ZNF804B: variants seen among roughly 807,000 people sequenced by gnomAD.
ZNF804B encodes the protein zinc finger protein 804B.
In ZNF804B, 80 loss-of-function variants were observed where a neutral mutation model predicts 101.4. The observed-to-expected ratio is 0.79, with a 90% confidence interval of 0.66 to 0.95. ZNF804B has a LOEUF of 0.95. Among genes scored for constraint, ZNF804B ranks in the 40% least tolerant of loss-of-function variants. The pLI is 0.00. For missense variants in ZNF804B, 1,673 were observed against 1,561.9 expected, an observed-to-expected ratio of 1.07 and a Z score of -1.20; for synonymous variants, 622 against 558.8, an observed-to-expected ratio of 1.11 and a Z score of -1.59.
At chr7:89,290,446 G>T (rs1251188413) in intron 2 of ZNF804B, among the ~76,000 whole-genome samples, 6 of 152,092 alleles carry the variant, frequency 3.9e-5, no homozygotes, top group Non-Finnish European at 7.4e-5. Context: ...CTCTTTGATG[G>T]CATTTTCTGG....
intron 1 of ZNF804B, among the ~76,000 whole-genome samples, chr7:88,847,213 T>G (rs1213227638): frequency 6.6e-6 from 1 of 151,956 alleles, no homozygotes; most frequent in African/African-American, 2.4e-5. Context: ...CACAGAAAAC[T>G]CTTTAGCAAA....
intron 2 of ZNF804B, among the ~76,000 whole-genome samples, chr7:89,258,126 G>T (rs1004483591): frequency 3.3e-4 from 50 of 151,776 alleles, no homozygotes; most frequent in African/African-American, 1.1e-3. Flanking sequence ...ATAAAATATA[G>T]TATAACAACT....
chr7:88,891,371 G>A (rs139272412), intron 1 of ZNF804B, among the ~76,000 whole-genome samples: 113 of 151,960 alleles, frequency 7.4e-4, no homozygotes, highest in Admixed American at 3.9e-3. Flanking sequence ...AGTCTATTTT[G>A]TCCAATAATA....
chr7:88,906,918 T>C (rs964304269), intron 1 of ZNF804B, among the ~76,000 whole-genome samples: 5 of 152,130 alleles, frequency 3.3e-5, no homozygotes, highest in African/African-American at 1.2e-4. Context: ...AGTGCTCTGA[T>C]GTTGGGTTCA....
intron 1 of ZNF804B, among the ~76,000 whole-genome samples, chr7:88,803,589 A>G (rs1790641005): frequency 6.6e-6 from 1 of 152,166 alleles, no homozygotes; most frequent in Non-Finnish European, 1.5e-5. Context: ...GGATTTAGAG[A>G]TGACACTGAA....
chr7:88,822,625 A>G (rs1186620530), intron 1 of ZNF804B, among the ~76,000 whole-genome samples: 26 of 152,280 alleles, frequency 1.7e-4, no homozygotes, highest in Non-Finnish European at 3.2e-4. Context: ...AAAAAAGGTA[A>G]TGCTGCAGAG....
chr7:88,821,130 A>T (rs543843809), intron 1 of ZNF804B, among the ~76,000 whole-genome samples: 2 of 152,154 alleles, frequency 1.3e-5, no homozygotes, highest in African/African-American at 4.8e-5. Context: ...ATATACAAAC[A>T]TATCTATTAT....
chr7:88,950,885 A>G (rs920947186), intron 1 of ZNF804B, among the ~76,000 whole-genome samples: 1 of 151,210 alleles, frequency 6.6e-6, no homozygotes, highest in African/African-American at 2.4e-5. Flanking sequence ...GAAAATTTCC[A>G]TTGAACCTTA....
intron 1 of ZNF804B, among the ~76,000 whole-genome samples, chr7:89,071,150 A>G (rs1789532774): frequency 6.6e-6 from 1 of 152,164 alleles, no homozygotes; most frequent in Non-Finnish European, 1.5e-5. Flanking sequence ...ATTGACAAGA[A>G]AAAACTATGT....
intron 1 of ZNF804B, among the ~76,000 whole-genome samples, chr7:89,197,712 G>A (rs567099889): frequency 2.6e-5 from 4 of 151,834 alleles, no homozygotes; most frequent in East Asian, 3.9e-4. Flanking sequence ...TTAACAGCAC[G>A]CTTAGATTCT....
At chr7:88,922,193 T>C (rs1792728724) in intron 1 of ZNF804B, among the ~76,000 whole-genome samples, 1 of 152,076 alleles carries the variant, frequency 6.6e-6, no homozygotes, top group African/African-American at 2.4e-5. Context: ...ATATGCAAAG[T>C]AAAGCATGAG....
intron 1 of ZNF804B, among the ~76,000 whole-genome samples, chr7:88,968,926 C>T (rs1793494871): frequency 6.6e-6 from 1 of 151,446 alleles, no homozygotes; most frequent in Non-Finnish European, 1.5e-5. Context: ...TTGTTAAATG[C>T]ATATTTTATA....
chr7:89,337,518 T>C lies in ZNF804B; in HGVS notation c.*486T>C, dbSNP rs1031128185. On this transcript the variant is annotated 3_prime_UTR_variant, in exon 4 of 4. Transcript: ENST00000333190. ...CGTTAACTATTGACTAAGTTTTCAA[T>C]TAATGTAGTCTGTTACTGTATTTTC... Among the ~76,000 whole-genome samples the C allele has an allele frequency of 6.6e-6, 1 of 152,176 alleles. No individual in the cohort carries two copies. Among genetic ancestry groups the C allele is most frequent in the African/African-American group, 2.4e-5 (1 of 41,456 alleles).
At position 89,333,891 on chromosome 7, in the gene ZNF804B, G is replaced by A. The variant is rs913302881; in HGVS notation, c.909G>A (p.Leu303=). ...HNTISINSKI[L]QDKHDSIDET... is the part of the protein sequence containing the mutation. ...CCATCTCCATAAACTCTAAAATTTT[G>A]CAAGACAAACACGACTCTATTGATG... The change falls in exon 4 of 4, where the codon TTG becomes TTA. Residue 303 remains leucine, a synonymous_variant. Coordinates refer to ENST00000333190, the MANE Select transcript of ZNF804B (RefSeq NM_181646.5). 1.9e-6 allele frequency: 3 copies of A among 1,589,022 alleles called. No individual in the cohort carries two copies. Among genetic ancestry groups the A allele is most frequent in the African/African-American group, 2.7e-5 (2 of 74,032 alleles).
intron 1 of ZNF804B, among the ~76,000 whole-genome samples, chr7:88,936,609 T>G (rs1302513140): frequency 2.0e-5 from 3 of 152,068 alleles, no homozygotes; most frequent in Non-Finnish European, 4.4e-5. Flanking sequence ...TGAGTGACAC[T>G]GAAAGAGACA....
intron 1 of ZNF804B, among the ~76,000 whole-genome samples, chr7:89,129,261 A>C (rs1790512443): frequency 6.6e-6 from 1 of 152,062 alleles, no homozygotes; most frequent in East Asian, 1.9e-4. Context: ...TAAAACATTT[A>C]AGTAATTCAA....
chr7:89,127,455 C>A (rs907296237), intron 1 of ZNF804B, among the ~76,000 whole-genome samples: 1 of 151,698 alleles, frequency 6.6e-6, no homozygotes, highest in African/African-American at 2.4e-5. Context: ...ACTGAAAGTG[C>A]CTCAATGATC....
Position 89,006,721 on chromosome 7 carries a change from C to T in ZNF804B, c.109-211434C>T, listed in dbSNP as rs141377774. 1.4e-3 allele frequency among the ~76,000 whole-genome samples: 210 copies of T among 152,232 alleles called. 4 individuals are homozygous for T. The East Asian group carries it at 0.031, about 22-fold the overall frequency. On this transcript the variant is annotated intron_variant, in intron 1 of 3. Transcript: ENST00000333190. ...AATAAATAGTTCTCTCACCAGCAAA[C>T]ACTGTTAACAGAGACTTCACAAGGA... is the stretch of plus-strand genomic sequence containing the variant.
At chr7:89,130,583 A>G (rs935028382) in intron 1 of ZNF804B, among the ~76,000 whole-genome samples, 3 of 151,938 alleles carry the variant, frequency 2.0e-5, no homozygotes, top group African/African-American at 7.2e-5. Context: ...AAATAGCATC[A>G]TGAAGGATAA....
Sources: allele counts gnomAD v4.1 joint callset (sites outside exome capture counted in the v4.1 genomes callset), GRCh38; gene constraint gnomAD v4.1.1; transcripts MANE v1.5; gene names NCBI Gene and HGNC (gene_info 2026-07-23, HGNC 2026-07-21).